The following SASH1 variants were observed in gnomAD, a reference collection of about 807,000 sequenced individuals.
SASH1 encodes the protein SAM and SH3 domain-containing protein 1.
In SASH1, 44 loss-of-function variants were observed where a neutral mutation model predicts 125.2. That is an observed-to-expected ratio of 0.35 (90% CI 0.28 to 0.45). SASH1 has a LOEUF of 0.45. Among genes scored for constraint, SASH1 ranks in the 20% least tolerant of loss-of-function variants. The pLI, the probability that SASH1 is intolerant of heterozygous loss-of-function variation, is 1.00. For missense variants in SASH1, 1,426 were observed against 1,614.5 expected (o/e 0.88, Z 2.00); for synonymous variants, 639 against 649.1 (o/e 0.98, Z 0.24).
intron 1 of SASH1, among the ~76,000 whole-genome samples, chr6:148,287,253 C>T (rs1041420456): frequency 6.6e-6 from 1 of 152,192 alleles, no homozygotes; most frequent in African/African-American, 2.4e-5. Context: ...CCAATGTGCT[C>T]TTTCCTCTAC....
At chr6:148,240,099 C>G in the SASH1 span, 1 of 151,660 alleles carries the variant, frequency 6.6e-6, no homozygotes. Flanking sequence ...ATCTGTCATT[C>G]AAAGATTCTA....
chr6:148,320,683 T>C (rs1011506075), intron 1 of SASH1, among the ~76,000 whole-genome samples: 2 of 152,190 alleles, frequency 1.3e-5, no homozygotes, highest in Non-Finnish European at 2.9e-5. Context: ...GTTCAGCCAT[T>C]CTCCCACTTG....
intron 1 of SASH1, among the ~76,000 whole-genome samples, chr6:148,387,592 CTTTCT>C (rs1783461160): frequency 1.2e-4 from 1 of 8,576 alleles, no homozygotes; most frequent in African/African-American, 6.4e-4. Flanking sequence ...TTCTTTCTTT[CTTTCT>C]TTCTTTCTTT....
the SASH1 span, among the ~76,000 whole-genome samples, chr6:148,216,765 C>G: frequency 1.3e-5 from 2 of 151,982 alleles, no homozygotes; most frequent in Non-Finnish European, 2.9e-5. Context: ...GAGTCACGCT[C>G]TGTCTCCCAG....
intron 1 of SASH1, among the ~76,000 whole-genome samples, chr6:148,387,473 TCTTCTCTTCCCTTCC>T (rs1783423451): frequency 6.6e-6 from 1 of 151,278 alleles, no homozygotes; most frequent in Non-Finnish European, 1.5e-5. Flanking sequence ...TTTTCTCTTC[TCTTCTCTTCCCTTCC>T]CTTCTCTCTT....
chr6:148,411,167 A>C (rs13212389), intron 2 of SASH1, among the ~76,000 whole-genome samples: 1 of 8,840 alleles, frequency 1.1e-4, no homozygotes, highest in Non-Finnish European at 2.5e-4. Flanking sequence ...CTCCATCTCC[A>C]AAAAAAAAAA....
intron 7 of SASH1, among the ~76,000 whole-genome samples, chr6:148,487,080 A>C (rs1778898834): frequency 8.9e-6 from 1 of 112,018 alleles, no homozygotes; most frequent in Non-Finnish European, 1.8e-5. Flanking sequence ...ATATATATAT[A>C]ACACATATAT....
intron 1 of SASH1, among the ~76,000 whole-genome samples, chr6:148,283,876 A>G (rs1779412501): frequency 6.6e-6 from 1 of 152,106 alleles, no homozygotes; most frequent in Non-Finnish European, 1.5e-5. Flanking sequence ...CAATAGATGG[A>G]GCAATACAGG....
chr6:148,524,469 A>T (rs956802662), intron 10 of SASH1: 1 of 152,208 alleles, frequency 6.6e-6, no homozygotes, highest in Non-Finnish European at 1.5e-5. Context: ...CAAATACAGA[A>T]ATCACTAAGA....
chr6:148,525,205 C>T, intron 10 of SASH1, 86 bp from the exon 11 acceptor site: 1 of 887,882 alleles, frequency 1.1e-6, no homozygotes, highest in Non-Finnish European at 1.9e-6. Flanking sequence ...TCAGAGATGT[C>T]CTGCAAACGG....
chr6:148,223,958 C>T, the SASH1 span, among the ~76,000 whole-genome samples: 54 of 152,252 alleles, frequency 3.5e-4, 1 homozygote, highest in East Asian at 0.01. Context: ...TTTACCAGCA[C>T]CAAGATTTTA....
At chr6:148,329,145 T>C (rs1562327823) in intron 1 of SASH1, among the ~76,000 whole-genome samples, 1 of 152,210 alleles carries the variant, frequency 6.6e-6, no homozygotes, top group African/African-American at 2.4e-5. Context: ...TTGTTAAGTG[T>C]CTCTTTGCTA....
intron 5 of SASH1, among the ~76,000 whole-genome samples, chr6:148,470,738 G>C (rs75168939): frequency 0.11 from 16,362 of 152,088 alleles, 1,015 homozygotes; most frequent in African/African-American, 0.15. Flanking sequence ...ATGACACAGC[G>C]GGATTGCAGT....
In SASH1 at chr6:148,348,354, C is replaced by T. The variant is rs147691702; in HGVS notation, c.156+5131C>T. Among the ~76,000 whole-genome samples, 3 of 152,300 alleles carry T rather than the reference C, an allele frequency of 2.0e-5. No individual in the cohort carries two copies. In the East Asian group the frequency reaches 5.8e-4, roughly 29 times the overall value. On this transcript the variant is annotated intron_variant, in intron 1 of 19. Transcript: ENST00000367467. ...TTCCTGCTAAAGGAGACCCCTTAAG[C>T]TTAAGTGACCTTCTTCCATGATTCC... is the stretch of plus-strand genomic sequence containing the variant.
the SASH1 span, among the ~76,000 whole-genome samples, chr6:148,266,702 G>A: frequency 7.2e-5 from 11 of 152,026 alleles, no homozygotes; most frequent in Admixed American, 6.5e-5. Context: ...CTGGGCTCAA[G>A]TGATCCTCCC....
the SASH1 span, among the ~76,000 whole-genome samples, chr6:148,247,657 A>G: frequency 2.6e-5 from 4 of 152,222 alleles, no homozygotes; most frequent in African/African-American, 4.8e-5. Flanking sequence ...TAAACCTTAT[A>G]CAAGTTTGTG....
intron 8 of SASH1, among the ~76,000 whole-genome samples, chr6:148,496,584 T>C (rs1408736801): frequency 1.3e-5 from 2 of 152,252 alleles, no homozygotes; most frequent in Non-Finnish European, 2.9e-5. Context: ...TTTCTACATG[T>C]AACTATGTTA....
intron 2 of SASH1, among the ~76,000 whole-genome samples, chr6:148,412,997 G>C (rs1447973303): frequency 1.3e-5 from 2 of 152,216 alleles, no homozygotes; most frequent in African/African-American, 4.8e-5. Flanking sequence ...CCTGTTGTTT[G>C]TGTTGATTTC....
chr6:148,524,942 G>C, intron 10 of SASH1: 2 of 238,230 alleles, frequency 8.4e-6, no homozygotes, highest in South Asian at 1.2e-4. Context: ...GCTGATGTTA[G>C]GGGAAGTTCT....
Sources: gnomAD v4.1 joint callset for allele counts (sites outside exome capture counted in the v4.1 genomes callset) on GRCh38, gnomAD v4.1.1 for gene constraint, MANE v1.5 for transcripts, NCBI Gene and HGNC (gene_info 2026-07-23, HGNC 2026-07-21) for gene names.